Variants in FGF14 observed in about 807,000 individuals in gnomAD.
FGF14 encodes fibroblast growth factor 14.
In FGF14, 5 loss-of-function variants were observed where a neutral mutation model predicts 25.5. The observed-to-expected ratio is 0.20, with a 90% CI of 0.10 to 0.41. The LOEUF (loss-of-function observed/expected upper bound fraction) is 0.41. FGF14 is among the 10% of genes least tolerant of loss of function. FGF14 has a pLI of 1.00. For missense variants in FGF14, 222 were observed against 320.1 expected (o/e 0.69, Z 2.34); for synonymous variants, 138 against 118.3 (o/e 1.17, Z -1.08).
intron 1 of FGF14, among the ~76,000 whole-genome samples, chr13:102,086,423 G>T (rs904822198): frequency 6.6e-6 from 1 of 151,964 alleles, no homozygotes; most frequent in African/African-American, 2.4e-5. Flanking sequence ...CCAGCTACTC[G>T]GGAGGCTGAG....
At chr13:101,916,347 C>G in intron 1 of FGF14, 106 bp downstream of exon 1, 2 of 1,380,548 alleles carry the variant, frequency 1.4e-6, no homozygotes, top group Non-Finnish European at 2.0e-6. Flanking sequence ...AGGCCGGGGC[C>G]GGGGTGGGCC....
At chr13:102,350,325 TGCCATC>T (rs1410363982) in intron 1 of FGF14, among the ~76,000 whole-genome samples, 1 of 151,446 alleles carries the variant, frequency 6.6e-6, no homozygotes, top group Non-Finnish European at 1.5e-5. Context: ...GCTATAATTG[TGCCATC>T]GCACTGCACT....
intron 3 of FGF14, among the ~76,000 whole-genome samples, chr13:101,844,125 C>G (rs1031864145): frequency 2.0e-5 from 3 of 151,866 alleles, no homozygotes; most frequent in African/African-American, 7.2e-5. Context: ...CTATTTATTG[C>G]CACAAATATC....
At chr13:102,035,461 C>G (rs953075019) in intron 1 of FGF14, among the ~76,000 whole-genome samples, 14 of 152,086 alleles carry the variant, frequency 9.2e-5, no homozygotes, top group African/African-American at 3.4e-4. Flanking sequence ...CTCTTGGGCT[C>G]TAGCCTGTAT....
intron 1 of FGF14, among the ~76,000 whole-genome samples, chr13:101,943,018 G>A (rs1428163106): frequency 1.3e-5 from 2 of 152,140 alleles, no homozygotes; most frequent in South Asian, 2.1e-4. Flanking sequence ...GCACAGCAGG[G>A]GGCCTCAGCT....
chr13:101,845,296 C>A (rs2043397244), intron 3 of FGF14, among the ~76,000 whole-genome samples: 1 of 152,002 alleles, frequency 6.6e-6, no homozygotes, highest in Non-Finnish European at 1.5e-5. Flanking sequence ...CTTAAAAACT[C>A]TTTATGTGTG....
At position 102,134,454 on chromosome 13, in the gene FGF14, G is replaced by A. The variant is rs568596046; in HGVS notation, c.209-259158C>T. Reference sequence around the variant, plus strand: ...TTGGCAGCCCCATACAGGCAAGCATGTATGTTATACCTCCACGGGAATCAG... The same window carrying A: ...TTGGCAGCCCCATACAGGCAAGCATATATGTTATACCTCCACGGGAATCAG... On this transcript the variant is annotated intron_variant, in intron 1 of 4. Coordinates refer to the FGF14 transcript ENST00000376131. 2.6e-5 allele frequency among the ~76,000 whole-genome samples: 4 copies of A among 152,356 alleles called. No individual in the cohort carries two copies. In the East Asian group the frequency reaches 7.7e-4, roughly 29 times the overall value.
intron 1 of FGF14, among the ~76,000 whole-genome samples, chr13:102,398,013 A>AGTGTGTGTGTGTGTGT (rs3067869): frequency 1.4e-5 from 2 of 147,250 alleles, no homozygotes; most frequent in African/African-American, 5.0e-5. Context: ...GACATTTAAG[A>AGTGTGTGTGTGTGTGT]GTGTGTGTGT....
intron 1 of FGF14, among the ~76,000 whole-genome samples, chr13:102,288,540 T>C (rs1285564982): frequency 6.6e-6 from 1 of 152,110 alleles, no homozygotes; most frequent in Non-Finnish European, 1.5e-5. Flanking sequence ...TTTATATATC[T>C]ATACAGCTGA....
chr13:101,971,178 A>C (rs1167244246), intron 1 of FGF14, among the ~76,000 whole-genome samples: 1 of 152,164 alleles, frequency 6.6e-6, no homozygotes, highest in East Asian at 1.9e-4. Flanking sequence ...GTTTCCAGTT[A>C]CTTAATAGGG....
chr13:101,929,770 C>T (rs1247309511), intron 1 of FGF14, among the ~76,000 whole-genome samples: 1 of 152,216 alleles, frequency 6.6e-6, no homozygotes, highest in Non-Finnish European at 1.5e-5. Context: ...CACACATTCA[C>T]ATAAAATAGA....
intron 4 of FGF14, among the ~76,000 whole-genome samples, chr13:101,725,203 T>A (rs1464984569): frequency 6.6e-6 from 1 of 152,126 alleles, no homozygotes; most frequent in East Asian, 1.9e-4. Flanking sequence ...TTTAATTTTT[T>A]ATTTGCATTT....
chr13:101,989,350 T>C (rs553268736), intron 1 of FGF14, among the ~76,000 whole-genome samples: 1 of 152,264 alleles, frequency 6.6e-6, no homozygotes, highest in South Asian at 2.1e-4. Flanking sequence ...ACCTCCCACA[T>C]GCAAAACAAT....
At position 101,895,054 on chromosome 13, in the gene FGF14, T is replaced by C. The variant is rs142831185; in HGVS notation, c.194-19758A>G. The stretch of plus-strand genomic sequence containing the variant: ...ATTAAATCTGGAACTCTTAAATTAT[T>C]TGCTGAATATATCCTCAGTAATTCA... On this transcript the variant is annotated intron_variant, in intron 1 of 4. Coordinates refer to ENST00000376143, the MANE Select transcript of FGF14 (RefSeq NM_004115.4). 2.6e-3 allele frequency among the ~76,000 whole-genome samples: 389 copies of C among 152,300 alleles called. 1 individual carries two copies. The highest frequency in any genetic ancestry group is 8.7e-3 in the African/African-American group (361 of 41,568).
At chr13:101,866,321 T>A (rs1205539581) in intron 3 of FGF14, among the ~76,000 whole-genome samples, 1 of 152,110 alleles carries the variant, frequency 6.6e-6, no homozygotes, top group Non-Finnish European at 1.5e-5. Context: ...TGAAAAAATG[T>A]CTGGCACATA....
At chr13:101,781,114 C>T (rs2039463456) in intron 3 of FGF14, among the ~76,000 whole-genome samples, 2 of 142,412 alleles carry the variant, frequency 1.4e-5, no homozygotes, top group Admixed American at 1.4e-4. Context: ...TAGCATGCTC[C>T]CCCTGCTCTC....
At chr13:101,846,399 C>T (rs772153029) in intron 3 of FGF14, among the ~76,000 whole-genome samples, 9 of 151,970 alleles carry the variant, frequency 5.9e-5, no homozygotes, top group Non-Finnish European at 8.8e-5. Flanking sequence ...TTAAGAGCTA[C>T]TAAAAATGCA....
chr13:101,778,089 T>C (rs1022034813), intron 3 of FGF14, among the ~76,000 whole-genome samples: 43 of 152,154 alleles, frequency 2.8e-4, no homozygotes, highest in African/African-American at 1.0e-3. Flanking sequence ...GTAAATCAAA[T>C]GTCTGGGATG....
At chr13:101,971,972 C>G (rs929159961) in intron 1 of FGF14, among the ~76,000 whole-genome samples, 2 of 152,204 alleles carry the variant, frequency 1.3e-5, no homozygotes, top group African/African-American at 4.8e-5. Context: ...CAAATGGGAG[C>G]TCAATGCTCA....
Sources: allele counts gnomAD v4.1 joint callset (sites outside exome capture counted in the v4.1 genomes callset), GRCh38; gene constraint gnomAD v4.1.1; transcripts MANE v1.5; gene names NCBI Gene and HGNC (gene_info 2026-07-23, HGNC 2026-07-21).